Variants in GRB14 observed in about 807,000 individuals in gnomAD.
GRB14 encodes the protein growth factor receptor bound protein 14, also known as growth factor receptor-bound protein 14.
GRB14 carries 38 observed loss-of-function variants against 69.1 expected under a neutral mutation model. That is an observed-to-expected ratio of 0.55 (90% CI 0.42 to 0.72). GRB14 has a LOEUF of 0.72. Ranked by LOEUF, GRB14 falls within the 30% of genes least tolerant of loss-of-function variation. GRB14 has a pLI of 0.00. For synonymous variants in GRB14, 247 were observed against 241.3 expected (o/e 1.02, Z -0.22); for missense variants, 666 against 666.1 (o/e 1.00, Z 0.00).
intron 4 of GRB14, 138 bp from the exon 5 acceptor site, chr2:164,525,216 C>G: frequency 1.5e-6 from 1 of 677,608 alleles, no homozygotes; most frequent in Non-Finnish European, 2.6e-6. Flanking sequence ...TGAAAATGCC[C>G]GTCCTTAGAC....
chr2:164,596,903 C>G (rs1689795339), intron 2 of GRB14, among the ~76,000 whole-genome samples: 1 of 151,920 alleles, frequency 6.6e-6, no homozygotes, highest in Non-Finnish European at 1.5e-5. Context: ...ATCAAAAAAC[C>G]AGCTTTAAAA....
At chr2:164,552,811 C>G (rs1159851062) in intron 2 of GRB14, among the ~76,000 whole-genome samples, 1 of 152,118 alleles carries the variant, frequency 6.6e-6, no homozygotes, top group Non-Finnish European at 1.5e-5. Context: ...TACTAGAAAA[C>G]TGATGGAATT....
chr2:164,539,433 T>A (rs1174046934), intron 3 of GRB14, among the ~76,000 whole-genome samples: 1 of 151,396 alleles, frequency 6.6e-6, no homozygotes. Flanking sequence ...CAGTATCACA[T>A]ACTGTACTCC....
At chr2:164,595,925 A>G (rs1201914323) in intron 2 of GRB14, among the ~76,000 whole-genome samples, 1 of 152,166 alleles carries the variant, frequency 6.6e-6, no homozygotes, top group East Asian at 1.9e-4. Context: ...GGAGATCGAG[A>G]CCATCCTGGC....
chr2:164,533,125 G>A (rs548406806), intron 3 of GRB14, among the ~76,000 whole-genome samples: 2 of 151,388 alleles, frequency 1.3e-5, no homozygotes, highest in African/African-American at 4.9e-5. Flanking sequence ...ATTCCCTAGC[G>A]CCTCTGCTGG....
At chr2:164,582,420 TA>T (rs1172372761) in intron 2 of GRB14, among the ~76,000 whole-genome samples, 1,382 of 101,152 alleles carry the variant, frequency 0.014, 22 homozygotes, top group African/African-American at 0.064. Flanking sequence ...TTTATTTATT[TA>T]TTATTTTTTT....
In GRB14 at chr2:164,593,707, C is replaced by T. The variant is rs190527644; in HGVS notation, c.324+25980G>A. Among the ~76,000 whole-genome samples, 4 of 152,196 alleles carry T rather than the reference C, an allele frequency of 2.6e-5. No homozygotes were observed. The East Asian group carries it at 7.7e-4, about 29-fold the overall frequency. ...CAAGGTGAGGACAGTACCGTGGCAG[C>T]CCTAGAGAGCAACGTCTCTCGGCAG... is the stretch of plus-strand genomic sequence containing the variant. On this transcript the variant is annotated intron_variant, in intron 2 of 13. Coordinates refer to ENST00000263915, the MANE Select transcript of GRB14 (RefSeq NM_004490.3).
At chr2:164,526,864 T>TAAG (rs1687786142) in intron 4 of GRB14, 150 bp downstream of exon 4, 4 of 378,098 alleles carry the variant, frequency 1.1e-5, no homozygotes, top group Non-Finnish European at 1.9e-5. Context: ...ATTGTTAGCA[T>TAAG]AAGAAATATG....
chr2:164,556,032 T>G (rs956468652), intron 2 of GRB14, among the ~76,000 whole-genome samples: 24 of 152,162 alleles, frequency 1.6e-4, no homozygotes, highest in Non-Finnish European at 3.1e-4. Flanking sequence ...TACATTCTTA[T>G]AAATAAGAAA....
rs768520940 is a variant in GRB14 at position 164,508,498 on chromosome 2, T to G, written c.980A>C (p.Glu327Ala). 1.9e-6 allele frequency: 3 copies of G among 1,614,100 alleles called. No individual in the cohort carries two copies. Among genetic ancestry groups the G allele is most frequent in the Non-Finnish European group, 2.5e-6 (3 of 1,179,994 alleles). Residue 327 changes from glutamate to alanine, a missense_variant, in exon 8 of 14, where the codon GAG (glutamate) becomes GCG (alanine). Transcript: ENST00000263915. Reference sequence around the variant, plus strand: ...GGTCACCCAGCACGTCCTACTCTGCTCTTCTTCTGCACAGAGCATTTTCAG... The same window carrying G: ...GGTCACCCAGCACGTCCTACTCTGCGCTTCTTCTGCACAGAGCATTTTCAG... The part of the protein sequence containing the change: ...RDLKMLCAEE[E>A]QSRTCWVTAI...
intron 2 of GRB14, among the ~76,000 whole-genome samples, chr2:164,558,600 T>C (rs1688741775): frequency 6.6e-6 from 1 of 152,230 alleles, no homozygotes; most frequent in Non-Finnish European, 1.5e-5. Flanking sequence ...CTAATTCATC[T>C]TTGAAACAAG....
chr2:164,574,083 G>C lies in GRB14; in HGVS notation c.325-26267C>G. 3 of 883,376 alleles carry C rather than the reference G, an allele frequency of 3.4e-6. No individual in the cohort carries two copies. The South Asian group carries it at 4.3e-5, about 13-fold the overall frequency. The allele number at this position is 883,376 out of a possible 1,614,324, so 54.7% of individuals were successfully genotyped here. Reference sequence around the variant, plus strand: ...TTCAGAGGTAAATTCAGAAACTCTGGTTTTACCAGCTCATCATACTCTACT... The same window carrying C: ...TTCAGAGGTAAATTCAGAAACTCTGCTTTTACCAGCTCATCATACTCTACT... On this transcript the variant is annotated intron_variant, in intron 2 of 13. Coordinates refer to ENST00000263915, the MANE Select transcript of GRB14 (RefSeq NM_004490.3).
Position 164,591,498 on chromosome 2 carries a change from A to G in GRB14, c.324+28189T>C, listed in dbSNP as rs534008667. On this transcript the variant is annotated intron_variant, in intron 2 of 13. Coordinates refer to ENST00000263915, the MANE Select transcript of GRB14 (RefSeq NM_004490.3). ...TTCTTCAATAAATGAGGTCAAGGGA[A>G]AAGGCTATTCTGTTCAGGTCCAACT... Among the ~76,000 whole-genome samples, 28 of 152,266 alleles carry G rather than the reference A, an allele frequency of 1.8e-4. 1 individual carries two copies. The South Asian group carries it at 5.8e-3, about 32-fold the overall frequency.
intron 9 of GRB14, among the ~76,000 whole-genome samples, chr2:164,501,378 A>G (rs1322308019): frequency 6.6e-6 from 1 of 152,080 alleles, no homozygotes; most frequent in Non-Finnish European, 1.5e-5. Context: ...ATACATGAAG[A>G]GCATATTTTT....
chr2:164,587,590 T>A (rs1234584926), intron 2 of GRB14, among the ~76,000 whole-genome samples: 1 of 152,132 alleles, frequency 6.6e-6, no homozygotes, highest in East Asian at 1.9e-4. Context: ...ATTTTCATAC[T>A]ACATACTAAC....
At chr2:164,568,200 A>G (rs1689030389) in intron 2 of GRB14, 1 of 439,820 alleles carries the variant, frequency 2.3e-6, no homozygotes, top group African/African-American at 2.1e-5. Context: ...AATGAATTAT[A>G]GGCTCTTTCA....
chr2:164,618,129 G>A (rs920678972), intron 2 of GRB14, among the ~76,000 whole-genome samples: 2 of 152,178 alleles, frequency 1.3e-5, no homozygotes, highest in Admixed American at 1.3e-4. Flanking sequence ...ACCACACCCA[G>A]CTAATTTTTG....
At position 164,493,184 on chromosome 2, in the gene GRB14, T is replaced by A; in HGVS notation, c.1477-2A>T. ...GAACATTTCACCGTCATCTTCTACCTGCAAAAAGAAAAGCAACAAATAAGT... is the reference window on the plus strand; with the variant it reads ...GAACATTTCACCGTCATCTTCTACCAGCAAAAAGAAAAGCAACAAATAAGT... On this transcript the variant is annotated splice_acceptor_variant, in intron 13 of 13. Coordinates refer to ENST00000263915, the MANE Select transcript of GRB14 (RefSeq NM_004490.3). LOFTEE classifies it high-confidence loss of function. 6.2e-7 allele frequency: 1 copy of A among 1,610,068 alleles called. No individual in the cohort carries two copies. Among genetic ancestry groups the A allele is most frequent in the Non-Finnish European group, 8.5e-7 (1 of 1,178,230 alleles).
intron 8 of GRB14, among the ~76,000 whole-genome samples, chr2:164,502,683 T>A (rs1291873568): frequency 2.0e-5 from 3 of 150,790 alleles, no homozygotes; most frequent in Non-Finnish European, 4.4e-5. Context: ...GGAAGGGCGA[T>A]GTGCTTTCTG....
Sources: gnomAD v4.1 joint callset for allele counts (sites outside exome capture counted in the v4.1 genomes callset) on GRCh38, gnomAD v4.1.1 for gene constraint, MANE v1.5 for transcripts, NCBI Gene and HGNC (gene_info 2026-07-23, HGNC 2026-07-21) for gene names.